CHD9: variants seen among roughly 807,000 people sequenced by gnomAD.
CHD9 encodes ATP-dependent chromatin remodeler CHD9.
In CHD9, 77 loss-of-function variants were observed where a neutral mutation model predicts 316.1. That is an observed-to-expected ratio of 0.24 (90% CI 0.20 to 0.29). The LOEUF (loss-of-function observed/expected upper bound fraction) is 0.29. Ranked by LOEUF, CHD9 falls within the 10% of genes least tolerant of loss-of-function variation. CHD9 has a pLI of 1.00. For missense variants in CHD9, 2,763 were observed against 3,438.1 expected (o/e 0.80, Z 4.91); for synonymous variants, 1,129 against 1,158.3 (o/e 0.97, Z 0.51).
At chr16:53,206,912 A>C (rs1043774394) in intron 2 of CHD9, among the ~76,000 whole-genome samples, 2 of 152,208 alleles carry the variant, frequency 1.3e-5, no homozygotes, top group African/African-American at 4.8e-5. Context: ...CTTAGTAAGT[A>C]GTCTGTAAGT....
At chr16:53,111,445 C>A (rs575911607) in intron 1 of CHD9, among the ~76,000 whole-genome samples, 1 of 152,288 alleles carries the variant, frequency 6.6e-6, no homozygotes, top group East Asian at 1.9e-4. Flanking sequence ...GTTTGAAAAT[C>A]TTTGGATTCA....
At chr16:53,210,049 G>A (rs2046205830) in intron 3 of CHD9, among the ~76,000 whole-genome samples, 1 of 151,994 alleles carries the variant, frequency 6.6e-6, no homozygotes, top group Non-Finnish European at 1.5e-5. Flanking sequence ...ATTATTAAAA[G>A]GGATTTAAAG....
intron 22 of CHD9, among the ~76,000 whole-genome samples, chr16:53,269,828 C>T (rs957317133): frequency 6.6e-6 from 1 of 152,120 alleles, no homozygotes. Context: ...TCACAACCTT[C>T]AGCGTGTTAC....
intron 3 of CHD9, among the ~76,000 whole-genome samples, chr16:53,217,057 T>G (rs2046818887): frequency 6.6e-6 from 1 of 152,156 alleles, no homozygotes; most frequent in African/African-American, 2.4e-5. Flanking sequence ...TCGGTTCCCC[T>G]TTTTTTGTTG....
intron 2 of CHD9, among the ~76,000 whole-genome samples, chr16:53,159,387 TAAAA>T (rs925594383): frequency 6.6e-6 from 1 of 152,196 alleles, no homozygotes; most frequent in Non-Finnish European, 1.5e-5. Flanking sequence ...ACTTTTATAA[TAAAA>T]AATTAATGTA....
At chr16:53,133,300 C>A (rs560064629) in intron 1 of CHD9, among the ~76,000 whole-genome samples, 7 of 152,234 alleles carry the variant, frequency 4.6e-5, no homozygotes, top group African/African-American at 1.7e-4. Context: ...CAATGCTAGT[C>A]AAAAACATAC....
At chr16:53,226,976 G>A (rs11860987) in intron 5 of CHD9, among the ~76,000 whole-genome samples, 67,355 of 151,864 alleles carry the variant, frequency 0.44, 15,350 homozygotes, top group South Asian at 0.57. Flanking sequence ...TGCCATATGT[G>A]CTTCCCTCGT....
At chr16:53,182,735 A>G (rs1438544797) in intron 2 of CHD9, among the ~76,000 whole-genome samples, 1 of 152,210 alleles carries the variant, frequency 6.6e-6, no homozygotes, top group East Asian at 1.9e-4. Flanking sequence ...GAGGAAATCC[A>G]GCCTAATTAA....
chr16:53,227,269 CAT>C (rs1441035416), intron 5 of CHD9, 125 bp from the exon 6 acceptor site: 4 of 600,912 alleles, frequency 6.7e-6, no homozygotes, highest in Admixed American at 7.8e-5. Flanking sequence ...TAACACGTAA[CAT>C]AGTGTCTAGC....
chr16:53,300,917 A>G lies in CHD9; in HGVS notation c.5714-2803A>G, dbSNP rs192488434. ...GTGAAACCTTGTCTATACTAAAAAT[A>G]CAAAAATTAGCCAGGCATGGTGGCA... On this transcript the variant is annotated intron_variant, in intron 30 of 38. Coordinates refer to ENST00000447540, the MANE Select transcript of CHD9 (RefSeq NM_001308319.2). Among the ~76,000 whole-genome samples the G allele has an allele frequency of 5.2e-4, 79 of 152,314 alleles. 2 individuals carry two copies. The highest frequency in any genetic ancestry group is 1.8e-3 in the African/African-American group (76 of 41,566).
chr16:53,060,884 G>A (rs542495750), intron 1 of CHD9, among the ~76,000 whole-genome samples: 12 of 150,464 alleles, frequency 8.0e-5, no homozygotes, highest in Non-Finnish European at 1.6e-4. Context: ...TTGCACCACC[G>A]CACTCCAGCC....
chr16:53,303,658 T>C, intron 30 of CHD9, 62 bp from the exon 31 acceptor site: 2 of 1,169,042 alleles, frequency 1.7e-6, no homozygotes, highest in East Asian at 5.3e-5. Flanking sequence ...GTATTTATAA[T>C]GATTTATTTA....
At chr16:53,235,105 AT>A in intron 10 of CHD9, 79 bp from the exon 11 acceptor site, 1 of 1,202,630 alleles carries the variant, frequency 8.3e-7, no homozygotes. Context: ...TCTTAGGGTT[AT>A]TTTTAAACCA....
intron 2 of CHD9, among the ~76,000 whole-genome samples, chr16:53,181,546 A>C (rs1288568016): frequency 6.6e-6 from 1 of 152,176 alleles, no homozygotes; most frequent in East Asian, 1.9e-4. Context: ...GTTAAAACTA[A>C]GAGAATTATT....
At chr16:53,310,865 A>ATAATAATAATAC (rs1168245030) in intron 34 of CHD9, 12 of 146,304 alleles carry the variant, frequency 8.2e-5, no homozygotes, top group African/African-American at 2.8e-4. Flanking sequence ...AACAATAATA[A>ATAATAATAATAC]TAATAATAAT....
At chr16:53,297,963 G>C (rs974796623) in intron 30 of CHD9, among the ~76,000 whole-genome samples, 7 of 152,214 alleles carry the variant, frequency 4.6e-5, no homozygotes, top group African/African-American at 9.6e-5. Flanking sequence ...TAAAATGACA[G>C]CTAAAGCAAA....
At chr16:53,257,350 C>T (rs1164956349) in intron 19 of CHD9, among the ~76,000 whole-genome samples, 1 of 152,140 alleles carries the variant, frequency 6.6e-6, no homozygotes, top group Non-Finnish European at 1.5e-5. Context: ...TTTTAAAGTC[C>T]TTCAAGCAGA....
At chr16:53,238,101 T>G (rs1022975474) in intron 11 of CHD9, among the ~76,000 whole-genome samples, 1 of 152,136 alleles carries the variant, frequency 6.6e-6, no homozygotes, top group African/African-American at 2.4e-5. Context: ...CCCTTCCCTT[T>G]TCTTTTTTAA....
chr16:53,136,247 T>G (rs1453123317), intron 1 of CHD9, among the ~76,000 whole-genome samples: 2 of 152,176 alleles, frequency 1.3e-5, no homozygotes, highest in African/African-American at 4.8e-5. Flanking sequence ...ACTAGTAATT[T>G]TAAACATTGT....
Sources: gnomAD v4.1 joint callset for allele counts (sites outside exome capture counted in the v4.1 genomes callset) on GRCh38, gnomAD v4.1.1 for gene constraint, MANE v1.5 for transcripts, NCBI Gene and HGNC (gene_info 2026-07-23, HGNC 2026-07-21) for gene names.